Variants in NUP210 observed in about 807,000 individuals in gnomAD.
NUP210 encodes the protein nuclear pore membrane glycoprotein 210.
NUP210 carries 151 observed loss-of-function variants against 196.0 expected under a neutral mutation model. The observed-to-expected ratio is 0.77, with a 90% CI of 0.67 to 0.88. The LOEUF is 0.88. Ranked by LOEUF, NUP210 falls within the 40% of genes least tolerant of loss-of-function variation. The pLI, the probability that NUP210 is intolerant of heterozygous loss-of-function variation, is 0.00. For synonymous variants in NUP210, 1,070 were observed against 1,052.7 expected (o/e 1.02, Z -0.32); for missense variants, 2,314 against 2,493.7 (o/e 0.93, Z 1.53).
chr3:13,351,597 C>G lies in NUP210; in HGVS notation c.2835+282G>C, dbSNP rs972898846. 4.3e-5 allele frequency: 15 copies of G among 350,706 alleles called. 2 individuals are homozygous for G. Among genetic ancestry groups the G allele is most frequent in the South Asian group, 3.9e-4 (11 of 28,266 alleles). 21.7% of individuals were successfully genotyped at this position (350,706 alleles called of 1,614,324 possible). On this transcript the variant is annotated intron_variant, in intron 20 of 39. Transcript: ENST00000254508. ...AACCTCCGGGGCTCAAGCAATCCTC[C>G]TGCCTCAGGTTCCTGTGTAGCTGGG...
chr3:13,327,410 G>GC lies in NUP210; in HGVS notation c.4313dup (p.Thr1440HisfsTer99), dbSNP rs752557301. The GC allele has an allele frequency of 6.2e-7, 1 of 1,612,526 alleles. No homozygotes were observed. The highest frequency in any genetic ancestry group is 1.3e-5 in the African/African-American group (1 of 74,916). On this transcript the variant is annotated frameshift_variant, in exon 32 of 40. Transcript: ENST00000254508. LOFTEE classifies it high-confidence loss of function. Reference sequence around the variant, plus strand: ...GGACAACGCAGGTGTTGTTGGTGGGGCCCTTCCCGATCTGCACAAAGTCGT... The same window carrying GC: ...GGACAACGCAGGTGTTGTTGGTGGGGCCCCTTCCCGATCTGCACAAAGTCGT...
intron 1 of NUP210, among the ~76,000 whole-genome samples, chr3:13,415,284 T>C (rs1208335597): frequency 2.0e-5 from 3 of 152,134 alleles, no homozygotes; most frequent in Non-Finnish European, 4.4e-5. Flanking sequence ...TCTCCAGCCC[T>C]CCTCGGTGAA....
intron 13 of NUP210, among the ~76,000 whole-genome samples, chr3:13,370,576 G>C (rs466793): frequency 6.6e-6 from 1 of 152,312 alleles, no homozygotes; most frequent in East Asian, 1.9e-4. Context: ...AGGCAGTGCA[G>C]GGGAGTGGTT....
intron 2 of NUP210, 64 bp from the exon 3 acceptor site, chr3:13,397,552 G>A (rs1482855147): frequency 6.7e-7 from 1 of 1,490,452 alleles, no homozygotes; most frequent in Admixed American, 2.4e-5. Context: ...CCACTTCCAA[G>A]CCTTGCAGGC....
intron 21 of NUP210, among the ~76,000 whole-genome samples, chr3:13,342,818 A>G (rs2124863639): frequency 6.6e-6 from 1 of 152,342 alleles, no homozygotes; most frequent in African/African-American, 2.4e-5. Context: ...CAGTGAACCC[A>G]AAACCTATAT....
chr3:13,372,026 C>T lies in NUP210; in HGVS notation c.1594G>A (p.Val532Met), dbSNP rs1698749331. The T allele has an allele frequency of 1.2e-5, 19 of 1,575,024 alleles. No individual in the cohort carries two copies. Among genetic ancestry groups the T allele is most frequent in the Non-Finnish European group, 1.6e-5 (19 of 1,158,782 alleles). The part of the protein sequence containing the change: ...PLHFGEMKVY[V>M]IEPHSMEFAP... ...AACTCCATGCTGTGGGGCTCGATCA[C>T]ATACACCTGGAAGACAGGGGCATGG... is the stretch of plus-strand genomic sequence containing the variant. The change falls in exon 13 of 40, where the codon GTG becomes ATG. Residue 532 changes from valine (V) to methionine (M), a missense_variant. By Grantham distance (21) the Val-to-Met change is conservative. Coordinates refer to ENST00000254508, the MANE Select transcript of NUP210 (RefSeq NM_024923.4).
rs2125174683 is a variant in NUP210, at chr3:13,317,492, C to T, written c.*189G>A. 3.4e-6 allele frequency: 2 copies of T among 588,978 alleles called. No homozygotes were observed. Among genetic ancestry groups the T allele is most frequent in the Non-Finnish European group, 3.0e-6 (1 of 330,584 alleles). The allele number at this position is 588,978 out of a possible 1,614,324, so 36.5% of individuals were successfully genotyped here. ...AGGAAAAAAACACACATTTAAAACTCCTACATAAAATGAGCTAATGGGCAG... is the reference window on the plus strand; with the variant it reads ...AGGAAAAAAACACACATTTAAAACTTCTACATAAAATGAGCTAATGGGCAG... On this transcript the variant is annotated 3_prime_UTR_variant, in exon 40 of 40. Transcript: ENST00000254508.
At chr3:13,386,142 T>G (rs1576407348) in intron 6 of NUP210, 133 bp downstream of exon 6, 1 of 912,588 alleles carries the variant, frequency 1.1e-6, no homozygotes, top group Non-Finnish European at 1.6e-6. Context: ...TGCAGAAGAG[T>G]GTGAATGTAC....
At chr3:13,404,913 G>A (rs1391449283) in intron 1 of NUP210, among the ~76,000 whole-genome samples, 1 of 152,172 alleles carries the variant, frequency 6.6e-6, no homozygotes, top group South Asian at 2.1e-4. Context: ...TCACAGACAT[G>A]GTAGTTGATC....
At chr3:13,360,561 C>T in intron 14 of NUP210, 70 bp from the exon 15 acceptor site, 10 of 1,232,878 alleles carry the variant, frequency 8.1e-6, no homozygotes, top group Non-Finnish European at 1.0e-5. Context: ...GGCATCCCAG[C>T]CCCACATCCT....
chr3:13,332,227 C>T (rs1205331762), intron 29 of NUP210, 66 bp downstream of exon 29: 5 of 1,300,874 alleles, frequency 3.8e-6, no homozygotes, highest in Non-Finnish European at 5.6e-6. Flanking sequence ...ACAGTGTTGA[C>T]ACATGAGGTG....
rs780205411 is a variant in NUP210, at chr3:13,330,654, G to A, written c.3936-20C>T. 15 of 1,611,190 alleles carry A rather than the reference G, an allele frequency of 9.3e-6. No homozygotes were observed. In the African/African-American group the frequency reaches 1.7e-4, roughly 19 times the overall value. ...CCATCCCTTTGGAAAACAAAACAGA[G>A]CTGTTTTTGTAGATGGCAGCAGTGG... On this transcript the variant is annotated intron_variant, in intron 29 of 39. Coordinates refer to ENST00000254508, the MANE Select transcript of NUP210 (RefSeq NM_024923.4).
chr3:13,339,772 T>G, intron 25 of NUP210, 82 bp downstream of exon 25: 1 of 1,267,482 alleles, frequency 7.9e-7, no homozygotes, highest in East Asian at 2.3e-5. Flanking sequence ...AGAGGGGTGG[T>G]CCTCAGAGGT....
chr3:13,404,567 T>C (rs975274200), intron 1 of NUP210, among the ~76,000 whole-genome samples: 1 of 152,230 alleles, frequency 6.6e-6, no homozygotes, highest in Non-Finnish European at 1.5e-5. Flanking sequence ...TGTCCTCATC[T>C]TACAGATCGG....
chr3:13,419,125 A>T (rs1023901131), intron 1 of NUP210, among the ~76,000 whole-genome samples: 2 of 152,302 alleles, frequency 1.3e-5, no homozygotes, highest in East Asian at 3.9e-4. Flanking sequence ...TCACGTGGTC[A>T]CACCCCGTTC....
intron 1 of NUP210, among the ~76,000 whole-genome samples, chr3:13,414,793 C>T (rs1435036728): frequency 6.6e-6 from 1 of 152,252 alleles, no homozygotes; most frequent in African/African-American, 2.4e-5. Context: ...CTGTTTCCTT[C>T]AGGACTTACT....
rs772044532 is a variant in NUP210 at position 13,371,936 on chromosome 3, G to A, written c.1684C>T (p.Leu562Phe). 2 of 1,607,186 alleles carry A rather than the reference G, an allele frequency of 1.2e-6. No homozygotes were observed. Among genetic ancestry groups the A allele is most frequent in the Middle Eastern group, 1.7e-4 (1 of 6,056 alleles). Residue 562 changes from leucine (L) to phenylalanine (F), a missense_variant, in exon 13 of 40, where the codon CTC (leucine) becomes TTC (phenylalanine). Physicochemically the swap from Leu to Phe is conservative, Grantham distance 22. Coordinates refer to ENST00000254508, the MANE Select transcript of NUP210 (RefSeq NM_024923.4). ...ALELPLRISG[L>F]MPGGASEVVT... is the part of the protein sequence containing the mutation. ...ACCTCACTGGCCCCGCCGGGCATGA[G>A]GCCACTGATCCTCAGGGGCAGCTCC... is the stretch of plus-strand genomic sequence containing the variant.
At chr3:13,368,618 T>C (rs906684081) in intron 13 of NUP210, among the ~76,000 whole-genome samples, 2 of 152,196 alleles carry the variant, frequency 1.3e-5, no homozygotes, top group African/African-American at 4.8e-5. Flanking sequence ...CCACTACCAT[T>C]ATACTTCCTA....
chr3:13,412,834 G>A (rs1462723721), intron 1 of NUP210, among the ~76,000 whole-genome samples: 4 of 150,402 alleles, frequency 2.7e-5, no homozygotes, highest in Non-Finnish European at 4.4e-5. Context: ...AGCTGGGCAT[G>A]GTGGCGGGCA....
Sources: allele counts gnomAD v4.1 joint callset (sites outside exome capture counted in the v4.1 genomes callset), GRCh38; gene constraint gnomAD v4.1.1; transcripts MANE v1.5; gene names NCBI Gene and HGNC (gene_info 2026-07-23, HGNC 2026-07-21).